Variants in CACNA2D3 observed in about 807,000 individuals in gnomAD.
The protein encoded by CACNA2D3 is calcium voltage-gated channel auxiliary subunit alpha2delta 3, also known as voltage-dependent calcium channel subunit alpha-2/delta-3.
In CACNA2D3, 60 loss-of-function variants were observed where a neutral mutation model predicts 160.6. The observed-to-expected ratio is 0.37, with a 90% CI of 0.30 to 0.46. The LOEUF is 0.46. Among genes scored for constraint, CACNA2D3 ranks in the 20% least tolerant of loss-of-function variants. The pLI is 1.00. For synonymous variants in CACNA2D3, 558 were observed against 492.9 expected (o/e 1.13, Z -1.75); for missense variants, 1,205 against 1,365.0 (o/e 0.88, Z 1.85).
intron 4 of CACNA2D3, among the ~76,000 whole-genome samples, chr3:54,481,814 T>G (rs1217488640): frequency 6.6e-6 from 1 of 152,218 alleles, no homozygotes; most frequent in Non-Finnish European, 1.5e-5. Flanking sequence ...TCTGTGTTAG[T>G]TTATATAAAT....
At chr3:54,335,983 C>T (rs892877414) in intron 3 of CACNA2D3, among the ~76,000 whole-genome samples, 8 of 120,744 alleles carry the variant, frequency 6.6e-5, no homozygotes, top group African/African-American at 1.6e-4. Context: ...CATAGCCTGG[C>T]GACAGAGGAA....
At chr3:54,811,095 A>T (rs1042243386) in intron 13 of CACNA2D3, among the ~76,000 whole-genome samples, 1 of 152,148 alleles carries the variant, frequency 6.6e-6, no homozygotes, top group East Asian at 1.9e-4. Flanking sequence ...CTACGTGCAG[A>T]CAGTAACCAA....
chr3:54,504,414 G>A (rs1353279770), intron 5 of CACNA2D3, among the ~76,000 whole-genome samples: 1 of 152,032 alleles, frequency 6.6e-6, no homozygotes, highest in African/African-American at 2.4e-5. Flanking sequence ...ATCTTTTTAG[G>A]TCTGAATTTT....
chr3:54,179,862 G>A (rs1418067050), intron 2 of CACNA2D3, among the ~76,000 whole-genome samples: 1 of 152,234 alleles, frequency 6.6e-6, no homozygotes, highest in East Asian at 1.9e-4. Context: ...GAACTGAGAC[G>A]TGTATGTCTG....
chr3:54,838,650 TAATG>T lies in CACNA2D3; in HGVS notation c.1551+8_1551+11del, dbSNP rs1355673473. 3.7e-6 allele frequency: 6 copies of T among 1,601,652 alleles called. No homozygotes were observed. The highest frequency in any genetic ancestry group is 5.1e-6 in the Non-Finnish European group (6 of 1,168,732). ...CTGAAGACCATCCCCAAATACAAGGTAATGAATGACCTAATCCCTGAAATCAAAG... is the reference window on the plus strand; with the variant it reads ...CTGAAGACCATCCCCAAATACAAGGTAATGACCTAATCCCTGAAATCAAAG... On this transcript the variant is annotated splice_donor_5th_base_variant and intron_variant, in intron 16 of 37. Transcript: ENST00000474759.
At chr3:54,225,295 A>G (rs1349845736) in intron 2 of CACNA2D3, among the ~76,000 whole-genome samples, 2 of 152,086 alleles carry the variant, frequency 1.3e-5, no homozygotes, top group African/African-American at 2.4e-5. Context: ...ATCATTTTTT[A>G]TGGCTGCATA....
intron 11 of CACNA2D3, among the ~76,000 whole-genome samples, chr3:54,715,355 T>C (rs1358467513): frequency 6.6e-6 from 1 of 152,166 alleles, no homozygotes; most frequent in Non-Finnish European, 1.5e-5. Flanking sequence ...TCCCATGCCC[T>C]CTCTGGATGC....
chr3:54,391,512 C>CTTTTTT (rs199908584), intron 4 of CACNA2D3, among the ~76,000 whole-genome samples: 1 of 148,352 alleles, frequency 6.7e-6, no homozygotes, highest in Non-Finnish European at 1.5e-5. Context: ...TTCTTTCTTT[C>CTTTTTT]TTTCTTTTTT....
At chr3:54,654,856 G>T (rs772008502) in intron 11 of CACNA2D3, among the ~76,000 whole-genome samples, 1 of 152,198 alleles carries the variant, frequency 6.6e-6, no homozygotes, top group African/African-American at 2.4e-5. Flanking sequence ...GGATGAAGGC[G>T]TTGGGAATGA....
intron 11 of CACNA2D3, among the ~76,000 whole-genome samples, chr3:54,653,176 T>G (rs1479564763): frequency 1.3e-5 from 2 of 152,200 alleles, no homozygotes; most frequent in Admixed American, 1.3e-4. Context: ...AGACATGGAC[T>G]TGGGCTGCAT....
At chr3:54,541,278 GAAAAAAAAA>G (rs141900915) in intron 5 of CACNA2D3, among the ~76,000 whole-genome samples, 199 of 81,732 alleles carry the variant, frequency 2.4e-3, no homozygotes, top group African/African-American at 9.2e-3. Context: ...CTCCGTCTCA[GAAAAAAAAA>G]AAAAAAAAAA....
intron 11 of CACNA2D3, among the ~76,000 whole-genome samples, chr3:54,665,892 C>G (rs978166539): frequency 1.3e-5 from 2 of 151,686 alleles, no homozygotes; most frequent in African/African-American, 4.8e-5. Context: ...GCCTCAACCT[C>G]TCAGGTTCAA....
chr3:54,811,648 C>G (rs560260190), intron 13 of CACNA2D3, among the ~76,000 whole-genome samples: 81 of 152,128 alleles, frequency 5.3e-4, no homozygotes, highest in Non-Finnish European at 8.5e-4. Context: ...CAGGCACACT[C>G]CACCATGCCC....
rs755336238 is a variant in CACNA2D3, at chr3:55,033,582, G to GTATATATATA, written c.2987+15266_2987+15267insATATATATAT. Among the ~76,000 whole-genome samples, 249 of 119,552 alleles carry GTATATATATA rather than the reference G, an allele frequency of 2.1e-3. 1 individual carries two copies. The highest frequency in any genetic ancestry group is 7.3e-3 in the African/African-American group (219 of 29,982). 78.4% of individuals were successfully genotyped at this position (119,552 alleles called of 152,430 possible). A position where few individuals can be genotyped will look rare whatever the true frequency, so the allele number is the denominator to read the frequency against. Reference sequence around the variant, plus strand: ...AAACTATCGTGTCATTTATGTGTGTGTGTATATATATATATATATATATAT... The same window carrying GTATATATATA: ...AAACTATCGTGTCATTTATGTGTGTGTATATATATATGTATATATATATATATATATATAT... On this transcript the variant is annotated intron_variant, in intron 35 of 37. Coordinates refer to ENST00000474759, the MANE Select transcript of CACNA2D3 (RefSeq NM_018398.3).
At chr3:54,822,784 T>C (rs1703648900) in intron 14 of CACNA2D3, among the ~76,000 whole-genome samples, 1 of 79,598 alleles carries the variant, frequency 1.3e-5, no homozygotes, top group East Asian at 4.1e-4. Context: ...CTTTCTTTCT[T>C]TCTTTCCTTT....
intron 5 of CACNA2D3, among the ~76,000 whole-genome samples, chr3:54,557,136 G>C (rs1161097448): frequency 6.6e-6 from 1 of 152,110 alleles, no homozygotes; most frequent in Non-Finnish European, 1.5e-5. Flanking sequence ...TCAATACACT[G>C]TGATTATGTT....
intron 2 of CACNA2D3, among the ~76,000 whole-genome samples, chr3:54,283,139 T>C (rs1376260998): frequency 6.6e-6 from 1 of 152,198 alleles, no homozygotes; most frequent in Non-Finnish European, 1.5e-5. Context: ...GGATACAAAT[T>C]GCAGAATTTT....
At chr3:54,201,861 C>T (rs570052583) in intron 2 of CACNA2D3, among the ~76,000 whole-genome samples, 1 of 152,294 alleles carries the variant, frequency 6.6e-6, no homozygotes, top group African/African-American at 2.4e-5. Flanking sequence ...TTCCTGACCC[C>T]TTGACCATAT....
intron 29 of CACNA2D3, among the ~76,000 whole-genome samples, chr3:54,980,953 C>G (rs1302993063): frequency 6.6e-6 from 1 of 152,152 alleles, no homozygotes; most frequent in East Asian, 1.9e-4. Flanking sequence ...ACTTTTCTGA[C>G]AATATTTGAT....
Sources: allele counts gnomAD v4.1 joint callset (sites outside exome capture counted in the v4.1 genomes callset), GRCh38; gene constraint gnomAD v4.1.1; transcripts MANE v1.5; gene names NCBI Gene and HGNC (gene_info 2026-07-23, HGNC 2026-07-21).